The following RANBP2 variants were observed in gnomAD, a reference collection of about 807,000 sequenced individuals.
RANBP2 encodes RAN binding protein 2, also known as E3 SUMO-protein ligase RanBP2.
In RANBP2, 57 loss-of-function variants were observed where a neutral mutation model predicts 303.6. The ratio of observed to expected loss-of-function variants is 0.19; its 90% CI spans 0.15 to 0.23. RANBP2 has a LOEUF of 0.23. RANBP2 is among the 10% of genes least tolerant of loss of function. The pLI, the probability that RANBP2 is intolerant of heterozygous loss-of-function variation, is 1.00. For missense variants in RANBP2, 3,138 were observed against 3,780.8 expected, an observed-to-expected ratio of 0.83 and a Z score of 4.46; for synonymous variants, 1,167 against 1,301.5, an observed-to-expected ratio of 0.90 and a Z score of 2.23.
chr2:109,640,471 A>G, the RANBP2 span, among the ~76,000 whole-genome samples: 1 of 151,966 alleles, frequency 6.6e-6, no homozygotes, highest in Non-Finnish European at 1.5e-5. Context: ...AATAAATAAA[A>G]CCATTCCTTT....
At chr2:109,444,281 A>T in the RANBP2 span, among the ~76,000 whole-genome samples, 31 of 152,208 alleles carry the variant, frequency 2.0e-4, no homozygotes, top group Non-Finnish European at 4.4e-4. Context: ...AATTAAGTTT[A>T]TGTGATGTTG....
chr2:108,996,488 C>T, the RANBP2 span, among the ~76,000 whole-genome samples: 1 of 152,184 alleles, frequency 6.6e-6, no homozygotes, highest in Non-Finnish European at 1.5e-5. Flanking sequence ...AGGACACTGG[C>T]CTCATTAAGC....
At chr2:109,603,185 G>A in the RANBP2 span, among the ~76,000 whole-genome samples, 1 of 151,962 alleles carries the variant, frequency 6.6e-6, no homozygotes, top group Non-Finnish European at 1.5e-5. Flanking sequence ...AATGCTTATT[G>A]TTTTTCACTT....
chr2:108,908,104 G>A, the RANBP2 span: 2 of 1,442,918 alleles, frequency 1.4e-6, no homozygotes, highest in Non-Finnish European at 1.9e-6. Context: ...CTTGTCCATT[G>A]CCCAGCTGTG....
At chr2:108,813,265 A>G in the RANBP2 span, among the ~76,000 whole-genome samples, 2 of 150,954 alleles carry the variant, frequency 1.3e-5, no homozygotes, top group African/African-American at 2.4e-5. Context: ...AAAAAAAAAA[A>G]AAAAAAAGAA....
chr2:108,887,240 G>A, the RANBP2 span, among the ~76,000 whole-genome samples: 35 of 152,192 alleles, frequency 2.3e-4, no homozygotes, highest in Non-Finnish European at 4.4e-4. Flanking sequence ...ATTGGTCTAC[G>A]TGTCCGTTTT....
rs990025788 is a variant in RANBP2 at position 108,784,905 on chromosome 2, T to G, written c.*1004T>G. Reference sequence around the variant, plus strand: ...TGCATAATTTCCAGAGCTCCTAGTTTCTCAAGTTTGATACACACCAAAAAC... The same window carrying G: ...TGCATAATTTCCAGAGCTCCTAGTTGCTCAAGTTTGATACACACCAAAAAC... On this transcript the variant is annotated 3_prime_UTR_variant, in exon 29 of 29. Coordinates refer to ENST00000283195, the MANE Select transcript of RANBP2 (RefSeq NM_006267.5). 4.6e-5 allele frequency: 7 copies of G among 152,346 alleles called. No homozygotes were observed. Among genetic ancestry groups the G allele is most frequent in the African/African-American group, 1.7e-4 (7 of 41,452 alleles). The allele number at this position is 152,346 out of a possible 1,614,324, so 9.4% of individuals were successfully genotyped here. A position where few individuals can be genotyped will look rare whatever the true frequency, so the allele number is the denominator to read the frequency against.
At chr2:109,691,804 G>A in the RANBP2 span, among the ~76,000 whole-genome samples, 4 of 151,312 alleles carry the variant, frequency 2.6e-5, no homozygotes, top group Non-Finnish European at 5.9e-5. Flanking sequence ...TTTTTTTGAG[G>A]CAGAGTCTTG....
At chr2:108,925,477 C>T in the RANBP2 span, among the ~76,000 whole-genome samples, 2 of 152,208 alleles carry the variant, frequency 1.3e-5, no homozygotes, top group African/African-American at 4.8e-5. Context: ...GTGGCTCTGT[C>T]CCACGACTGT....
At chr2:109,692,015 C>T in the RANBP2 span, among the ~76,000 whole-genome samples, 6 of 152,094 alleles carry the variant, frequency 3.9e-5, no homozygotes, top group Admixed American at 2.6e-4. Context: ...AACTCCCGAC[C>T]TCATGATCCA....
intron 6 of RANBP2, among the ~76,000 whole-genome samples, chr2:108,740,078 T>G (rs1695953895): frequency 1.3e-5 from 2 of 152,228 alleles, no homozygotes; most frequent in Admixed American, 1.3e-4. Context: ...TACCTGTCAG[T>G]TATTTACTTA....
chr2:109,614,481 C>A, the RANBP2 span: 1 of 1,225,352 alleles, frequency 8.2e-7, no homozygotes, highest in Non-Finnish European at 1.0e-6. Context: ...GGGAGCAGCG[C>A]GGTCGAGGAT....
At chr2:109,236,337 G>A in the RANBP2 span, among the ~76,000 whole-genome samples, 1 of 152,130 alleles carries the variant, frequency 6.6e-6, no homozygotes, top group Admixed American at 6.5e-5. Flanking sequence ...GCCCAGCAGT[G>A]CCTCCAGAGT....
At chr2:108,909,628 G>A in the RANBP2 span, among the ~76,000 whole-genome samples, 23 of 152,330 alleles carry the variant, frequency 1.5e-4, no homozygotes, top group African/African-American at 5.0e-4. Flanking sequence ...AGGGGGGTCC[G>A]AGCACATTGC....
the RANBP2 span, among the ~76,000 whole-genome samples, chr2:109,254,495 G>A: frequency 6.6e-6 from 1 of 152,162 alleles, no homozygotes; most frequent in Non-Finnish European, 1.5e-5. Flanking sequence ...TACCAGCCTC[G>A]TTCAGCTTTG....
chr2:109,292,888 A>G, the RANBP2 span, among the ~76,000 whole-genome samples: 3 of 152,176 alleles, frequency 2.0e-5, no homozygotes, highest in Admixed American at 2.0e-4. Context: ...GTGCACCAGC[A>G]TGCCTGGCTA....
the RANBP2 span, among the ~76,000 whole-genome samples, chr2:109,029,397 G>A: frequency 6.6e-6 from 1 of 152,196 alleles, no homozygotes; most frequent in East Asian, 1.9e-4. Context: ...CTTCATTAGG[G>A]TAAGGAAGGC....
chr2:109,688,875 T>C, the RANBP2 span, among the ~76,000 whole-genome samples: 2 of 138,608 alleles, frequency 1.4e-5, no homozygotes, highest in Admixed American at 1.5e-4. Context: ...CCTACATTTA[T>C]TTTCCTTCCT....
At chr2:109,224,592 T>G in the RANBP2 span, among the ~76,000 whole-genome samples, 1 of 152,196 alleles carries the variant, frequency 6.6e-6, no homozygotes, top group African/African-American at 2.4e-5. Context: ...GCGCAGTGGC[T>G]CACACCTGTA....
Sources: gnomAD v4.1 joint callset for allele counts (sites outside exome capture counted in the v4.1 genomes callset) on GRCh38, gnomAD v4.1.1 for gene constraint, MANE v1.5 for transcripts, NCBI Gene and HGNC (gene_info 2026-07-23, HGNC 2026-07-21) for gene names.